TBX18: variants seen among roughly 807,000 people sequenced by gnomAD.
The protein encoded by TBX18 is T-box transcription factor 18.
Under a neutral mutation model 55.0 loss-of-function variants are expected in TBX18, and 21 were observed. The ratio of observed to expected loss-of-function variants is 0.38; its 90% CI spans 0.27 to 0.55. TBX18 has a LOEUF of 0.55. Among genes scored for constraint, TBX18 ranks in the 20% least tolerant of loss-of-function variants. TBX18 has a pLI of 0.73. For missense variants in TBX18, 840 were observed against 799.6 expected (o/e 1.05, Z -0.61); for synonymous variants, 342 against 326.1 (o/e 1.05, Z -0.53).
intron 2 of TBX18, among the ~76,000 whole-genome samples, chr6:84,760,893 C>A (rs1246041072): frequency 6.6e-6 from 1 of 152,090 alleles, no homozygotes; most frequent in Non-Finnish European, 1.5e-5. Flanking sequence ...GCAAAAGTTG[C>A]TCTAAATTTG....
At chr6:84,755,776 G>A (rs1767470936) in intron 4 of TBX18, among the ~76,000 whole-genome samples, 1 of 152,132 alleles carries the variant, frequency 6.6e-6, no homozygotes, top group Admixed American at 6.5e-5. Context: ...TTCTCATTAA[G>A]GTCAATTTCT....
intron 2 of TBX18, among the ~76,000 whole-genome samples, chr6:84,762,237 T>A (rs954654016): frequency 2.6e-5 from 4 of 151,846 alleles, no homozygotes; most frequent in Non-Finnish European, 4.4e-5. Flanking sequence ...AGGGTAAATA[T>A]GACCTCAAAT....
Position 84,764,331 on chromosome 6 carries a change from G to C in TBX18, c.-150C>G. Reference sequence around the variant, plus strand: ...CCACCGCGGGCAAAAAACAGATTTGGCGTTTCCGCTTTCTCGCTTGTGTTG... The same window carrying C: ...CCACCGCGGGCAAAAAACAGATTTGCCGTTTCCGCTTTCTCGCTTGTGTTG... On this transcript the variant is annotated 5_prime_UTR_variant, in exon 1 of 8. Coordinates refer to ENST00000369663, the MANE Select transcript of TBX18 (RefSeq NM_001080508.3). 8.8e-7 allele frequency: 1 copy of C among 1,133,664 alleles called. No homozygotes were observed. Among genetic ancestry groups the C allele is most frequent in the Non-Finnish European group, 1.2e-6 (1 of 861,134 alleles). 70.2% of individuals were successfully genotyped at this position (1,133,664 alleles called of 1,614,324 possible).
rs1425223538 is a variant in TBX18 at position 84,764,206 on chromosome 6, C to T, written c.-25G>A. ...TCCCCCCCGCCCCGCGCCCGCCCGCCCCTCTCTCATATACACTCACGCGGG... is the reference window on the plus strand; with the variant it reads ...TCCCCCCCGCCCCGCGCCCGCCCGCTCCTCTCTCATATACACTCACGCGGG... On this transcript the variant is annotated 5_prime_UTR_variant, in exon 1 of 8. Coordinates refer to ENST00000369663, the MANE Select transcript of TBX18 (RefSeq NM_001080508.3). The T allele has an allele frequency of 2.8e-6, 4 of 1,435,846 alleles. No homozygotes were observed. The highest frequency in any genetic ancestry group is 3.0e-5 in the African/African-American group (2 of 66,948). The allele number at this position is 1,435,846 out of a possible 1,614,324, so 88.9% of individuals were successfully genotyped here. A position where few individuals can be genotyped will look rare whatever the true frequency, so the allele number is the denominator to read the frequency against.
Position 84,736,935 on chromosome 6 carries a change from C to T in TBX18, c.1574G>A (p.Ser525Asn). 2 of 1,609,916 alleles carry T rather than the reference C, an allele frequency of 1.2e-6. No individual in the cohort carries two copies. Among genetic ancestry groups the T allele is most frequent in the South Asian group, 2.2e-5 (2 of 90,508 alleles). ...QGSYNTFRLH[S>N]PCALYGYNFS... is the part of the protein sequence containing the mutation. The stretch of plus-strand genomic sequence containing the variant: ...GTTATATCCATATAGTGCACAGGGG[C>T]TGTGTAATCTAAAAGTATTATAGGA... The change falls in exon 8 of 8, where the codon AGC becomes AAC. Residue 525 changes from serine to asparagine, a missense_variant. Physicochemically the swap from Ser to Asn is conservative, Grantham distance 46 (BLOSUM62 1). Transcript: ENST00000369663.
chr6:84,733,458 A>C lies in TBX18; in HGVS notation c.*3227T>G, dbSNP rs1311142410. On this transcript the variant is annotated 3_prime_UTR_variant, in exon 8 of 8. Coordinates refer to ENST00000369663, the MANE Select transcript of TBX18 (RefSeq NM_001080508.3). Reference sequence around the variant, plus strand: ...TCATGAGGAAATAACACTGTGTTACACTTTGCAACAAAGGAATCTTTACAA... The same window carrying C: ...TCATGAGGAAATAACACTGTGTTACCCTTTGCAACAAAGGAATCTTTACAA... 6.6e-6 allele frequency: 1 copy of C among 152,216 alleles called. No individual in the cohort carries two copies. Among genetic ancestry groups the C allele is most frequent in the African/African-American group, 2.4e-5 (1 of 41,460 alleles). The allele number at this position is 152,216 out of a possible 1,614,324, so 9.4% of individuals were successfully genotyped here.
At chr6:84,754,783 C>A (rs1767442979) in intron 4 of TBX18, among the ~76,000 whole-genome samples, 1 of 152,150 alleles carries the variant, frequency 6.6e-6, no homozygotes. Context: ...AAGTGGACTA[C>A]CCTTCATAAT....
In TBX18 at chr6:84,735,857, A is replaced by G. The variant is rs1773924454; in HGVS notation, c.*828T>C. 1 of 152,168 alleles carries G rather than the reference A, an allele frequency of 6.6e-6. No homozygotes were observed. Among genetic ancestry groups the G allele is most frequent in the South Asian group, 2.1e-4 (1 of 4,832 alleles). The allele number at this position is 152,168 out of a possible 1,614,324, so 9.4% of individuals were successfully genotyped here. A position where few individuals can be genotyped will look rare whatever the true frequency, so the allele number is the denominator to read the frequency against. ...TTATTTTCCTTTTGCCATTCCACTCATATCACATATTCCTCCCCTGGTGAA... is the reference window on the plus strand; with the variant it reads ...TTATTTTCCTTTTGCCATTCCACTCGTATCACATATTCCTCCCCTGGTGAA... On this transcript the variant is annotated 3_prime_UTR_variant, in exon 8 of 8. Transcript: ENST00000369663.
chr6:84,747,257 A>T (rs1185690615), intron 5 of TBX18, among the ~76,000 whole-genome samples: 2 of 152,182 alleles, frequency 1.3e-5, no homozygotes, highest in African/African-American at 4.8e-5. Context: ...AACCAGCTGG[A>T]ATTCCAGCAT....
Position 84,764,056 on chromosome 6 carries a change from G to T in TBX18, c.126C>A (p.Gly42=). Residue 42 remains glycine, a synonymous_variant, in exon 1 of 8, where the codon GGC becomes GGA. Transcript: ENST00000369663. ...CCACGGCCCCCGCCGCCTCTTCGGC[G>T]CCCAGTTTTCGCCGCTTCTTCTGAA... ...QQLQKKRRKL[G]AEEAAGAVDD... is the part of the protein sequence containing the mutation. The T allele has an allele frequency of 6.4e-7, 1 of 1,565,806 alleles. No homozygotes were observed.
In TBX18 at chr6:84,738,808, A is replaced by G. The variant is rs375317023; in HGVS notation, c.1005-217T>C. ...AGAGAACTGAAATCACCCACCCAAGATGCCTGTTAATGTTCTCAGGAAAAC... is the reference window on the plus strand; with the variant it reads ...AGAGAACTGAAATCACCCACCCAAGGTGCCTGTTAATGTTCTCAGGAAAAC... On this transcript the variant is annotated intron_variant, in intron 6 of 7. Transcript: ENST00000369663. 2.5e-4 allele frequency among the ~76,000 whole-genome samples: 38 copies of G among 152,234 alleles called. No homozygotes were observed. In the East Asian group the frequency reaches 2.9e-3, roughly 12 times the overall value.
At chr6:84,753,035 A>C (rs1341570589) in intron 4 of TBX18, among the ~76,000 whole-genome samples, 1 of 152,030 alleles carries the variant, frequency 6.6e-6, no homozygotes, top group Non-Finnish European at 1.5e-5. Context: ...AAGCATACTA[A>C]CTCTTCTGCA....
intron 3 of TBX18, among the ~76,000 whole-genome samples, chr6:84,758,311 G>A (rs568028130): frequency 5.3e-5 from 8 of 151,740 alleles, no homozygotes; most frequent in African/African-American, 1.9e-4. Context: ...GGGAGGCTGA[G>A]GCAGGAGAAT....
rs1017191026 is a variant in TBX18, at chr6:84,736,377, T to G, written c.*308A>C. ...TAATTGCCAAGTTTTAAGTTTACCATCTTGTTTTTAAAAGAGTCTGAGAAC... is the reference window on the plus strand; with the variant it reads ...TAATTGCCAAGTTTTAAGTTTACCAGCTTGTTTTTAAAAGAGTCTGAGAAC... On this transcript the variant is annotated 3_prime_UTR_variant, in exon 8 of 8. Transcript: ENST00000369663. 5.0e-6 allele frequency: 1 copy of G among 201,544 alleles called. No homozygotes were observed. Among genetic ancestry groups the G allele is most frequent in the African/African-American group, 2.3e-5 (1 of 43,508 alleles). The allele number at this position is 201,544 out of a possible 1,614,324, so 12.5% of individuals were successfully genotyped here. A position where few individuals can be genotyped will look rare whatever the true frequency, so the allele number is the denominator to read the frequency against.
chr6:84,764,125 A>G lies in TBX18; in HGVS notation c.57T>C (p.Ala19=), dbSNP rs769066820. The G allele has an allele frequency of 1.3e-6, 2 of 1,581,930 alleles. No individual in the cohort carries two copies. The highest frequency in any genetic ancestry group is 1.7e-5 in the Admixed American group (1 of 57,782). The change falls in exon 1 of 8, where the codon GCT becomes GCC. Residue 19 remains alanine, a synonymous_variant. Transcript: ENST00000369663. ...PCSMLSLKAH[A]FSVEALIGAE... ...CGCCGATCAGCGCCTCCACCGAGAA[A>G]GCGTGCGCCTTGAGGCTTAGCATGC...
At chr6:84,754,572 T>C (rs1030956468) in intron 4 of TBX18, among the ~76,000 whole-genome samples, 1 of 152,242 alleles carries the variant, frequency 6.6e-6, no homozygotes, top group Non-Finnish European at 1.5e-5. Flanking sequence ...AGTAAAATAT[T>C]ATAATTATTT....
intron 1 of TBX18, among the ~76,000 whole-genome samples, chr6:84,763,643 A>C (rs1767722389): frequency 6.6e-6 from 1 of 151,914 alleles, no homozygotes; most frequent in Non-Finnish European, 1.5e-5. Context: ...CGCAGCAAAC[A>C]GCCGCGGCCG....
At chr6:84,740,909 C>T (rs1181454401) in intron 6 of TBX18, among the ~76,000 whole-genome samples, 1 of 152,146 alleles carries the variant, frequency 6.6e-6, no homozygotes, top group Non-Finnish European at 1.5e-5. Flanking sequence ...TTTGCTTTAG[C>T]AGTGTAAACT....
chr6:84,758,440 A>G (rs1215356022), intron 3 of TBX18, among the ~76,000 whole-genome samples: 2 of 151,624 alleles, frequency 1.3e-5, no homozygotes, highest in African/African-American at 4.8e-5. Context: ...AGAAAAAGAA[A>G]CCTTTTTCTT....
Sources: allele counts gnomAD v4.1 joint callset (sites outside exome capture counted in the v4.1 genomes callset), GRCh38; gene constraint gnomAD v4.1.1; transcripts MANE v1.5; gene names NCBI Gene and HGNC (gene_info 2026-07-23, HGNC 2026-07-21).